The following KLF8 variants were observed in gnomAD, a reference collection of about 807,000 sequenced individuals.
KLF8 encodes KLF transcription factor 8.
A neutral mutation model predicts 18.2 loss-of-function variants in KLF8; 10 were observed. The ratio of observed to expected loss-of-function variants is 0.55; its 90% CI spans 0.34 to 0.93. The LOEUF is 0.93. KLF8 is among the 40% of genes least tolerant of loss of function. The pLI is 0.02. For missense variants in KLF8, 264 were observed against 277.9 expected (o/e 0.95, Z 0.36); for synonymous variants, 109 against 97.3 (o/e 1.12, Z -0.71).
At chrX:56,079,883 A>T in the KLF8 span, among the ~76,000 whole-genome samples, 1 of 110,100 alleles carries the variant, frequency 9.1e-6, no homozygotes, top group Admixed American at 9.6e-5. Context: ...TGTTGAATTG[A>T]TCTCTTTACC....
At chrX:56,028,253 G>T in the KLF8 span, among the ~76,000 whole-genome samples, 69 of 111,299 alleles carry the variant, frequency 6.2e-4, no homozygotes, top group African/African-American at 2.1e-3. Context: ...CCCATTCAAA[G>T]GGCTCTCAGT....
the KLF8 span, among the ~76,000 whole-genome samples, chrX:56,064,747 G>A: frequency 9.0e-6 from 1 of 111,135 alleles, no homozygotes; most frequent in Middle Eastern, 4.2e-3. Flanking sequence ...TCACTTCCAG[G>A]TGTACGACTT....
chrX:56,056,112 C>T, the KLF8 span, among the ~76,000 whole-genome samples: 4 of 111,867 alleles, frequency 3.6e-5, no homozygotes, highest in African/African-American at 1.3e-4. Flanking sequence ...AGAGGTGGTG[C>T]AGTCATTTGG....
At chrX:56,188,576 A>C in the KLF8 span, among the ~76,000 whole-genome samples, 1 of 112,088 alleles carries the variant, frequency 8.9e-6, no homozygotes. Context: ...ATCCTAAGCC[A>C]AAAGAACAAA....
chrX:56,227,356 C>CCT (rs1211559813), upstream of KLF8, among the ~76,000 whole-genome samples: 1 of 96,080 alleles, frequency 1.0e-5, no homozygotes, highest in East Asian at 3.2e-4. Flanking sequence ...AAGTCTTTTT[C>CCT]TTTTTTTTTT....
At chrX:56,198,919 C>T in the KLF8 span, among the ~76,000 whole-genome samples, 1 of 111,350 alleles carries the variant, frequency 9.0e-6, no homozygotes, top group Non-Finnish European at 1.9e-5. Flanking sequence ...AGAACAGAGG[C>T]CTCAGAAATA....
At chrX:56,210,087 T>TAG in the KLF8 span, among the ~76,000 whole-genome samples, 19 of 111,955 alleles carry the variant, frequency 1.7e-4, no homozygotes, top group Non-Finnish European at 7.5e-5. Flanking sequence ...CACACCACAC[T>TAG]TACAGTGTTA....
the KLF8 span, among the ~76,000 whole-genome samples, chrX:56,052,890 G>A: frequency 9.0e-6 from 1 of 111,356 alleles, no homozygotes; most frequent in Non-Finnish European, 1.9e-5. Flanking sequence ...GCAGTTTGAT[G>A]TCAGACTGCT....
the KLF8 span, among the ~76,000 whole-genome samples, chrX:56,191,381 T>C: frequency 9.0e-6 from 1 of 111,647 alleles, no homozygotes; most frequent in African/African-American, 3.2e-5. Flanking sequence ...ATCAGACATT[T>C]AAAGAAGAAC....
the KLF8 span, among the ~76,000 whole-genome samples, chrX:56,038,059 C>T: frequency 1.4e-4 from 16 of 111,541 alleles, no homozygotes; most frequent in Middle Eastern, 4.2e-3. Context: ...TTAGATACTG[C>T]GAATAAATGA....
the KLF8 span, among the ~76,000 whole-genome samples, chrX:56,124,520 G>A: frequency 8.9e-6 from 1 of 112,037 alleles, no homozygotes; most frequent in Admixed American, 9.5e-5. Context: ...TATAAAACAT[G>A]ATGCTTTTCA....
the KLF8 span, among the ~76,000 whole-genome samples, chrX:56,048,954 C>T: frequency 9.0e-5 from 10 of 111,370 alleles, no homozygotes; most frequent in Non-Finnish European, 1.5e-4. Flanking sequence ...TGAACAGTGG[C>T]TTGTAGTTCT....
Position 56,265,420 on chromosome X carries a change from A to G in KLF8, c.322A>G (p.Ile108Val), listed in dbSNP as rs146429909. 7,608 of 1,209,391 alleles carry G rather than the reference A, an allele frequency of 6.3e-3. 18 individuals are homozygous for G. Among genetic ancestry groups the G allele is most frequent in the Non-Finnish European group, 7.6e-3 (6,767 of 894,899 alleles). The stretch of plus-strand genomic sequence containing the variant: ...GCCTGCTAGCATGCTACAAGCTCCA[A>G]TACGTCCCCCCAAGCCACAGTCTTC... The part of the protein sequence containing the change: ...LQPASMLQAP[I>V]RPPKPQSSPQ... The change falls in exon 3 of 6, where the codon ATA (isoleucine) becomes GTA (valine). Residue 108 changes from isoleucine (I) to valine (V), a missense_variant. Coordinates refer to ENST00000468660, the MANE Select transcript of KLF8 (RefSeq NM_007250.5).
At chrX:56,050,850 C>G in the KLF8 span, among the ~76,000 whole-genome samples, 1 of 109,513 alleles carries the variant, frequency 9.1e-6, no homozygotes, top group Non-Finnish European at 1.9e-5. Context: ...ATTGATCTGT[C>G]TAATGTTGAC....
At chrX:56,186,412 C>T in the KLF8 span, among the ~76,000 whole-genome samples, 1 of 111,259 alleles carries the variant, frequency 9.0e-6, no homozygotes, top group African/African-American at 3.3e-5. Context: ...CTTAGACTCC[C>T]ACACAATAAT....
the KLF8 span, among the ~76,000 whole-genome samples, chrX:56,131,960 A>G: frequency 6.2e-5 from 7 of 112,113 alleles, no homozygotes; most frequent in African/African-American, 2.3e-4. Context: ...ATATATATGC[A>G]CCTAACACTG....
At chrX:56,091,456 A>G in the KLF8 span, among the ~76,000 whole-genome samples, 1 of 111,249 alleles carries the variant, frequency 9.0e-6, no homozygotes, top group Non-Finnish European at 1.9e-5. Flanking sequence ...ACTGATTAAT[A>G]CATGTGATAA....
the KLF8 span, among the ~76,000 whole-genome samples, chrX:56,086,931 G>A: frequency 5.4e-5 from 6 of 111,674 alleles, no homozygotes; most frequent in Non-Finnish European, 1.1e-4. Flanking sequence ...ACAGTGATAT[G>A]TGGAGAAGGA....
the KLF8 span, among the ~76,000 whole-genome samples, chrX:56,029,089 G>A: frequency 5.4e-5 from 6 of 110,953 alleles, no homozygotes; most frequent in South Asian, 2.3e-3. Flanking sequence ...GATTGGCTGG[G>A]CCCCAGGCTT....
Sources: gnomAD v4.1 joint callset for allele counts (sites outside exome capture counted in the v4.1 genomes callset) on GRCh38, gnomAD v4.1.1 for gene constraint, MANE v1.5 for transcripts, NCBI Gene and HGNC (gene_info 2026-07-23, HGNC 2026-07-21) for gene names.